Variants in MRPL1 observed in about 807,000 individuals in gnomAD.
The protein encoded by MRPL1 is large ribosomal subunit protein uL1m.
Under a neutral mutation model 38.0 loss-of-function variants are expected in MRPL1, and 28 were observed. The ratio of observed to expected loss-of-function variants is 0.74; its 90% CI spans 0.55 to 1.01. The LOEUF is 1.01. Ranked by LOEUF, MRPL1 falls within the 50% of genes least tolerant of loss-of-function variation. MRPL1 has a pLI of 0.00. For missense variants in MRPL1, 358 were observed against 389.8 expected (o/e 0.92, Z 0.69); for synonymous variants, 123 against 126.7 (o/e 0.97, Z 0.20).
chr4:77,929,602 T>C (rs1250720464), intron 7 of MRPL1, among the ~76,000 whole-genome samples: 1 of 152,164 alleles, frequency 6.6e-6, no homozygotes, highest in Non-Finnish European at 1.5e-5. Context: ...AAATATTCAT[T>C]TGTTAAAGTG....
intron 5 of MRPL1, among the ~76,000 whole-genome samples, chr4:77,888,223 C>A (rs114961371): frequency 1.3e-5 from 2 of 152,014 alleles, no homozygotes; most frequent in African/African-American, 4.8e-5. Context: ...AACAGAGCTT[C>A]GCTGGACGCA....
At chr4:77,894,094 G>C in intron 5 of MRPL1, 45 bp from the exon 6 acceptor site, 1 of 1,074,312 alleles carries the variant, frequency 9.3e-7, no homozygotes, top group Non-Finnish European at 1.4e-6. Context: ...GAACGATAAA[G>C]CTTTTCATCT....
chr4:77,871,330 A>C (rs1165711003), intron 1 of MRPL1, among the ~76,000 whole-genome samples: 1 of 147,910 alleles, frequency 6.8e-6, no homozygotes, highest in Non-Finnish European at 1.5e-5. Flanking sequence ...TTTGAGATGG[A>C]GTATCACTCT....
intron 7 of MRPL1, among the ~76,000 whole-genome samples, chr4:77,929,098 G>A (rs558383997): frequency 8.4e-4 from 128 of 152,300 alleles, no homozygotes; most frequent in African/African-American, 3.1e-3. Flanking sequence ...CCACTTTGCT[G>A]CATAGGCAGC....
At chr4:77,891,247 G>T (rs1156507500) in intron 5 of MRPL1, among the ~76,000 whole-genome samples, 1 of 151,280 alleles carries the variant, frequency 6.6e-6, no homozygotes, top group Non-Finnish European at 1.5e-5. Flanking sequence ...TAGAATCAGA[G>T]AACTAATCTT....
chr4:77,877,864 G>A (rs561686631), intron 2 of MRPL1, among the ~76,000 whole-genome samples: 49 of 151,388 alleles, frequency 3.2e-4, no homozygotes, highest in African/African-American at 1.1e-3. Context: ...GACACAGTGC[G>A]TGTTTACCTG....
rs561783757 is a variant in MRPL1, at chr4:77,870,503, CAT to C, written c.32-1239_32-1238del. Among the ~76,000 whole-genome samples the C allele has an allele frequency of 1.1e-4, 16 of 152,290 alleles. No homozygotes were observed. The South Asian group carries it at 2.5e-3, about 24-fold the overall frequency. On this transcript the variant is annotated intron_variant, in intron 1 of 8. Coordinates refer to ENST00000315567, the MANE Select transcript of MRPL1 (RefSeq NM_020236.4). The stretch of plus-strand genomic sequence containing the variant: ...TACACACACCTTTATGAAAGGCACA[CAT>C]AAAATCTCATCTGCATCTCATGTAT...
At chr4:77,943,728 T>C (rs997625990) in intron 7 of MRPL1, among the ~76,000 whole-genome samples, 1 of 152,174 alleles carries the variant, frequency 6.6e-6, no homozygotes, top group African/African-American at 2.4e-5. Context: ...AAGTTTTGAT[T>C]ATTTTTTATT....
chr4:77,937,366 T>C (rs191137786), intron 7 of MRPL1, among the ~76,000 whole-genome samples: 5 of 152,292 alleles, frequency 3.3e-5, no homozygotes, highest in East Asian at 1.9e-4. Flanking sequence ...GGAGCACTTA[T>C]TGCGATTTCA....
intron 6 of MRPL1, among the ~76,000 whole-genome samples, chr4:77,899,025 G>A (rs1363762460): frequency 3.0e-5 from 4 of 133,598 alleles, no homozygotes; most frequent in Middle Eastern, 5.1e-3. Context: ...ACAGAGTCTC[G>A]TTCTGTCACC....
At chr4:77,873,672 T>G (rs1252359041) in intron 2 of MRPL1, among the ~76,000 whole-genome samples, 2 of 152,194 alleles carry the variant, frequency 1.3e-5, no homozygotes, top group Non-Finnish European at 2.9e-5. Context: ...CTGTGCAAAA[T>G]GATGATATGA....
chr4:77,890,214 C>T (rs866437256), intron 5 of MRPL1, among the ~76,000 whole-genome samples: 10 of 152,234 alleles, frequency 6.6e-5, no homozygotes, highest in South Asian at 2.1e-4. Context: ...TGATGAACAT[C>T]GATGCAAAAA....
chr4:77,891,937 C>G (rs1047965980), intron 5 of MRPL1, among the ~76,000 whole-genome samples: 1 of 152,124 alleles, frequency 6.6e-6, no homozygotes, highest in Admixed American at 6.5e-5. Context: ...TTGCAAGTTA[C>G]CCCGTGGTGT....
intron 1 of MRPL1, among the ~76,000 whole-genome samples, chr4:77,868,539 C>A (rs1735207415): frequency 6.6e-6 from 1 of 152,152 alleles, no homozygotes; most frequent in Non-Finnish European, 1.5e-5. Context: ...CCACGCCCGA[C>A]CTGGATAATT....
At chr4:77,868,365 G>C (rs1735202773) in intron 1 of MRPL1, among the ~76,000 whole-genome samples, 1 of 151,948 alleles carries the variant, frequency 6.6e-6, no homozygotes, top group Non-Finnish European at 1.5e-5. Flanking sequence ...TCAGCCTCCC[G>C]AGTAGCTGGG....
intron 7 of MRPL1, among the ~76,000 whole-genome samples, chr4:77,919,835 T>TTATA (rs34248907): frequency 7.3e-5 from 11 of 149,660 alleles, no homozygotes; most frequent in African/African-American, 2.5e-4. Flanking sequence ...CAGATCCATG[T>TTATA]TATATATATA....
At chr4:77,904,822 A>G (rs756977529) in intron 6 of MRPL1, among the ~76,000 whole-genome samples, 4 of 152,252 alleles carry the variant, frequency 2.6e-5, no homozygotes, top group Non-Finnish European at 4.4e-5. Context: ...TTGTTTCCTC[A>G]CATCAAACAC....
chr4:77,867,163 T>C (rs147547876), intron 1 of MRPL1, among the ~76,000 whole-genome samples: 1 of 152,322 alleles, frequency 6.6e-6, no homozygotes, highest in East Asian at 1.9e-4. Context: ...ATTATTTTTA[T>C]TGGTATTGTC....
At chr4:77,876,157 G>A (rs1214359005) in intron 2 of MRPL1, among the ~76,000 whole-genome samples, 5 of 152,072 alleles carry the variant, frequency 3.3e-5, no homozygotes, top group African/African-American at 9.7e-5. Flanking sequence ...AGTTTTGGCA[G>A]AGATGGGGTT....
Sources: allele counts gnomAD v4.1 joint callset (sites outside exome capture counted in the v4.1 genomes callset), GRCh38; gene constraint gnomAD v4.1.1; transcripts MANE v1.5; gene names NCBI Gene and HGNC (gene_info 2026-07-23, HGNC 2026-07-21).